CEP63: variants seen among roughly 807,000 people sequenced by gnomAD.
CEP63 encodes centrosomal protein of 63 kDa.
In CEP63, 84 loss-of-function variants were observed where a neutral mutation model predicts 89.1. The ratio of observed to expected loss-of-function variants is 0.94; its 90% CI spans 0.79 to 1.13. The LOEUF (loss-of-function observed/expected upper bound fraction) is 1.13, where lower values mean the gene tolerates loss of function less well. CEP63 is among the 50% of genes most tolerant of loss of function. The probability of loss-of-function intolerance (pLI) is 0.00; values close to 1 mark genes in which losing one functional copy is unlikely to be tolerated. For missense variants in CEP63, 838 were observed against 813.3 expected, an observed-to-expected ratio of 1.03 and a Z score of -0.37; for synonymous variants, 267 against 272.5, an observed-to-expected ratio of 0.98 and a Z score of 0.20.
At position 134,532,564 on chromosome 3, in the gene CEP63, A is replaced by T. The variant is rs577720168; in HGVS notation, c.319-214A>T. Reference sequence around the variant, plus strand: ...TTGTAATACAAAACTTTTGTTTAAAATTTTTTTTAAAATTTTTTCTTTGAA... The same window carrying T: ...TTGTAATACAAAACTTTTGTTTAAATTTTTTTTTAAAATTTTTTCTTTGAA... On this transcript the variant is annotated intron_variant, in intron 4 of 14. Transcript: ENST00000675561. Among the ~76,000 whole-genome samples, 6 of 152,072 alleles carry T rather than the reference A, an allele frequency of 3.9e-5. No homozygotes were observed. The East Asian group carries it at 7.7e-4, about 20-fold the overall frequency.
chr3:134,669,860 T>C, the CEP63 span, among the ~76,000 whole-genome samples: 2 of 152,254 alleles, frequency 1.3e-5, no homozygotes, highest in African/African-American at 2.4e-5. Context: ...TGAATGTTTA[T>C]ATCCCCTCAA....
the CEP63 span, among the ~76,000 whole-genome samples, chr3:134,721,043 G>A: frequency 3.3e-4 from 50 of 152,206 alleles, no homozygotes; most frequent in Admixed American, 7.8e-4. Context: ...CATTGAATCT[G>A]TAGGTTAATT....
the CEP63 span, among the ~76,000 whole-genome samples, chr3:134,626,737 A>G: frequency 6.6e-6 from 1 of 152,118 alleles, no homozygotes; most frequent in Non-Finnish European, 1.5e-5. Context: ...ATGCCCACTT[A>G]TTGGGGAGCT....
In CEP63 at chr3:134,561,908, GA is replaced by G. The variant is rs966693207; in HGVS notation, c.*376del. The G allele has an allele frequency of 9.3e-7, 1 of 1,070,382 alleles. No homozygotes were observed. The highest frequency in any genetic ancestry group is 1.7e-5 in the African/African-American group (1 of 58,674). The allele number at this position is 1,070,382 out of a possible 1,614,324, so 66.3% of individuals were successfully genotyped here. A position where few individuals can be genotyped will look rare whatever the true frequency, so the allele number is the denominator to read the frequency against. ...GTAACTGCAGGAACTTTCTTTAGGG[GA>G]AATGTGTAGAAGCATGGATTTAGGG... is the stretch of plus-strand genomic sequence containing the variant. On this transcript the variant is annotated 3_prime_UTR_variant, in exon 15 of 15. Coordinates refer to ENST00000675561, the MANE Select transcript of CEP63 (RefSeq NM_001353108.3).
chr3:134,495,169 T>C (rs917800811), intron 1 of CEP63, 127 bp from the exon 2 acceptor site: 3 of 721,316 alleles, frequency 4.2e-6, no homozygotes, highest in Non-Finnish European at 7.5e-6. Flanking sequence ...GCTTCTACAG[T>C]CATCTTAAGA....
chr3:134,725,173 C>T, the CEP63 span, among the ~76,000 whole-genome samples: 4 of 152,094 alleles, frequency 2.6e-5, no homozygotes, highest in Admixed American at 1.3e-4. Flanking sequence ...GCAACCTATA[C>T]GAATTTGTCA....
At chr3:134,763,939 T>A in the CEP63 span, among the ~76,000 whole-genome samples, 37 of 152,312 alleles carry the variant, frequency 2.4e-4, no homozygotes, top group African/African-American at 8.7e-4. Flanking sequence ...CAGCAAGTAC[T>A]CTGGATTGAT....
intron 3 of CEP63, among the ~76,000 whole-genome samples, chr3:134,525,315 A>G (rs1318367836): frequency 6.6e-6 from 1 of 152,004 alleles, no homozygotes; most frequent in African/African-American, 2.4e-5. Context: ...TTTTTCAAGA[A>G]ATCAGCTTCT....
chr3:134,620,289 G>A, the CEP63 span, among the ~76,000 whole-genome samples: 2 of 152,214 alleles, frequency 1.3e-5, no homozygotes, highest in African/African-American at 4.8e-5. Flanking sequence ...TGTTGCTAGT[G>A]TGGGAGCAGG....
chr3:134,663,985 A>C, the CEP63 span, among the ~76,000 whole-genome samples: 1 of 151,908 alleles, frequency 6.6e-6, no homozygotes, highest in Admixed American at 6.5e-5. Context: ...GCTTGGGGAG[A>C]GCTTCTAGGC....
At chr3:134,512,681 A>C (rs1945270617) in intron 3 of CEP63, among the ~76,000 whole-genome samples, 1 of 151,974 alleles carries the variant, frequency 6.6e-6, no homozygotes. Context: ...AAGCTTTTTT[A>C]CTGCTGTATT....
At chr3:134,502,570 T>G (rs1054647343) in intron 2 of CEP63, among the ~76,000 whole-genome samples, 1 of 152,196 alleles carries the variant, frequency 6.6e-6, no homozygotes, top group Non-Finnish European at 1.5e-5. Flanking sequence ...TTTCCAGGAA[T>G]TTTTCCATTT....
intron 9 of CEP63, among the ~76,000 whole-genome samples, chr3:134,548,804 T>A (rs1954171870): frequency 6.6e-6 from 1 of 152,228 alleles, no homozygotes; most frequent in South Asian, 2.1e-4. Flanking sequence ...TGAGATAGTC[T>A]TTGTTATTAT....
chr3:134,492,070 CTT>C (rs74269453), intron 1 of CEP63, among the ~76,000 whole-genome samples: 75 of 103,672 alleles, frequency 7.2e-4, no homozygotes, highest in African/African-American at 2.7e-3. Context: ...TATTTGTATT[CTT>C]TTTTTTTTTT....
chr3:134,516,740 C>T lies in CEP63; in HGVS notation c.222+9454C>T, dbSNP rs575490368. ...CCCTGAGTTGACACAGCACATGTTT[C>T]AGGGAGCACAGGGTTGGGGGTAAGG... On this transcript the variant is annotated intron_variant, in intron 3 of 14. Transcript: ENST00000675561. Among the ~76,000 whole-genome samples the T allele has an allele frequency of 3.3e-5, 5 of 152,340 alleles. No homozygotes were observed. The East Asian group carries it at 9.6e-4, about 29-fold the overall frequency.
At chr3:134,504,116 T>C (rs1942849457) in intron 2 of CEP63, among the ~76,000 whole-genome samples, 1 of 151,312 alleles carries the variant, frequency 6.6e-6, no homozygotes. Flanking sequence ...TCTCTCTCTT[T>C]TTTTTTTTTA....
the CEP63 span, among the ~76,000 whole-genome samples, chr3:134,688,204 T>A: frequency 0.28 from 41,910 of 152,152 alleles, 5,849 homozygotes; most frequent in Middle Eastern, 0.31. Context: ...AAATGTGGTA[T>A]ATCCATACAA....
At chr3:134,624,583 C>T in the CEP63 span, among the ~76,000 whole-genome samples, 1 of 152,218 alleles carries the variant, frequency 6.6e-6, no homozygotes, top group Non-Finnish European at 1.5e-5. Flanking sequence ...CTGAGACATG[C>T]TCAGGGCCAG....
At chr3:134,769,626 A>G in the CEP63 span, among the ~76,000 whole-genome samples, 1 of 152,246 alleles carries the variant, frequency 6.6e-6, no homozygotes, top group Non-Finnish European at 1.5e-5. Context: ...ATGGATGGTT[A>G]ATAATTACTC....
Sources: gnomAD v4.1 joint callset for allele counts (sites outside exome capture counted in the v4.1 genomes callset) on GRCh38, gnomAD v4.1.1 for gene constraint, MANE v1.5 for transcripts, NCBI Gene and HGNC (gene_info 2026-07-23, HGNC 2026-07-21) for gene names.